The following PCLO variants were observed in gnomAD, a reference collection of about 807,000 sequenced individuals.
PCLO encodes the protein piccolo presynaptic cytomatrix protein.
Under a neutral mutation model 427.5 loss-of-function variants are expected in PCLO, and 82 were observed. The observed-to-expected ratio is 0.19, with a 90% confidence interval of 0.16 to 0.23. PCLO has a LOEUF of 0.23. Among genes scored for constraint, PCLO ranks in the 10% least tolerant of loss-of-function variants. The pLI is 1.00. For missense variants in PCLO, 6,239 were observed against 6,115.9 expected (o/e 1.02, Z -0.67); for synonymous variants, 2,357 against 2,155.4 (o/e 1.09, Z -2.59).
intron 10 of PCLO, among the ~76,000 whole-genome samples, chr7:82,864,999 TGAGA>T (rs778889758): frequency 6.6e-6 from 1 of 152,134 alleles, no homozygotes; most frequent in Non-Finnish European, 1.5e-5. Flanking sequence ...TCTAAAATAT[TGAGA>T]GATTTTATTC....
chr7:83,059,294 A>C (rs1176091816), intron 3 of PCLO, among the ~76,000 whole-genome samples: 2 of 141,180 alleles, frequency 1.4e-5, no homozygotes, highest in African/African-American at 5.1e-5. Context: ...TATAAAATCA[A>C]ATATATATAT....
At chr7:83,049,034 G>A (rs1228673343) in intron 3 of PCLO, among the ~76,000 whole-genome samples, 1 of 152,026 alleles carries the variant, frequency 6.6e-6, no homozygotes, top group Non-Finnish European at 1.5e-5. Context: ...CAACAATAAT[G>A]TACTCTTTTG....
intron 22 of PCLO, among the ~76,000 whole-genome samples, chr7:82,762,266 G>A (rs2129467586): frequency 6.6e-6 from 1 of 152,208 alleles, no homozygotes; most frequent in East Asian, 1.9e-4. Flanking sequence ...TGCTTAAGCT[G>A]AAACCAGAAG....
At chr7:83,039,124 T>C (rs1788906199) in intron 3 of PCLO, among the ~76,000 whole-genome samples, 1 of 152,072 alleles carries the variant, frequency 6.6e-6, no homozygotes, top group East Asian at 1.9e-4. Context: ...AAATCCCTTA[T>C]CAGGTCTATG....
chr7:82,879,819 T>C (rs1442813618), intron 9 of PCLO: 1 of 451,074 alleles, frequency 2.2e-6, no homozygotes, highest in Non-Finnish European at 4.4e-6. Flanking sequence ...TAAGGAACAT[T>C]TTACTTATAG....
At chr7:82,811,982 G>T (rs1791581833) in intron 20 of PCLO, among the ~76,000 whole-genome samples, 1 of 151,334 alleles carries the variant, frequency 6.6e-6, no homozygotes, top group Middle Eastern at 3.2e-3. Context: ...CAAGTCATGA[G>T]AAATGGAATG....
intron 22 of PCLO, among the ~76,000 whole-genome samples, chr7:82,772,795 G>A (rs1790674144): frequency 6.6e-6 from 1 of 152,020 alleles, no homozygotes; most frequent in South Asian, 2.1e-4. Context: ...ATTTTACTGT[G>A]TCTGAAAATA....
At chr7:83,077,676 G>A (rs1479704341) in intron 3 of PCLO, among the ~76,000 whole-genome samples, 1 of 152,082 alleles carries the variant, frequency 6.6e-6, no homozygotes, top group African/African-American at 2.4e-5. Context: ...ATTTGTTAGT[G>A]CCAGGAGGCG....
chr7:82,806,963 A>C lies in PCLO; in HGVS notation c.14792-1134T>G, dbSNP rs1228781617. Among the ~76,000 whole-genome samples the C allele has an allele frequency of 4.9e-5, 5 of 102,104 alleles. No homozygotes were observed. The East Asian group carries it at 1.7e-3, about 34-fold the overall frequency. The allele number at this position is 102,104 out of a possible 152,430, so 67.0% of individuals were successfully genotyped here. On this transcript the variant is annotated intron_variant, in intron 20 of 24. Transcript: ENST00000333891. ...ATGAATTTAACTCTATTCTCTTCTCAAGGTATCCCCACTCTTCTCAAGGGC... is the reference window on the plus strand; with the variant it reads ...ATGAATTTAACTCTATTCTCTTCTCCAGGTATCCCCACTCTTCTCAAGGGC...
intron 3 of PCLO, among the ~76,000 whole-genome samples, chr7:83,120,595 G>GAA (rs1431017844): frequency 6.6e-6 from 1 of 151,732 alleles, no homozygotes; most frequent in Non-Finnish European, 1.5e-5. Flanking sequence ...AAAACAGCAA[G>GAA]AAAAAAGAAG....
chr7:82,758,746 T>G, intron 24 of PCLO, 31 bp from the exon 25 acceptor site: 1 of 1,344,956 alleles, frequency 7.4e-7, no homozygotes, highest in Non-Finnish European at 1.1e-6. Flanking sequence ...TAAACATATT[T>G]AATTTATACA....
At chr7:83,019,516 T>C (rs557155348) in intron 3 of PCLO, among the ~76,000 whole-genome samples, 2 of 151,978 alleles carry the variant, frequency 1.3e-5, no homozygotes, top group South Asian at 4.1e-4. Flanking sequence ...GGGTATATTT[T>C]CAAAAGTCAG....
Position 82,756,926 on chromosome 7 carries a change from T to C in PCLO, c.*1649A>G, listed in dbSNP as rs1205889566. ...TACTGCTTTTATCCATGTCAATCCT[T>C]GCCATTGGTTTAGATGATGTTTTTC... On this transcript the variant is annotated 3_prime_UTR_variant, in exon 25 of 25. Transcript: ENST00000333891. 1 of 152,060 alleles carries C rather than the reference T, an allele frequency of 6.6e-6. No individual in the cohort carries two copies. Among genetic ancestry groups the C allele is most frequent in the East Asian group, 1.9e-4 (1 of 5,198 alleles). The allele number at this position is 152,060 out of a possible 1,614,324, so 9.4% of individuals were successfully genotyped here.
intron 3 of PCLO, among the ~76,000 whole-genome samples, chr7:83,083,696 G>C (rs1022115303): frequency 6.6e-6 from 1 of 152,090 alleles, no homozygotes; most frequent in African/African-American, 2.4e-5. Flanking sequence ...ATTGTAAAAA[G>C]TATATCCCTA....
intron 3 of PCLO, among the ~76,000 whole-genome samples, chr7:83,065,576 T>C (rs1789649586): frequency 1.3e-5 from 2 of 151,618 alleles, no homozygotes; most frequent in African/African-American, 4.8e-5. Context: ...ACTGAACTTC[T>C]CTCCTGTCTC....
At chr7:83,150,832 T>C (rs1023866606) in intron 2 of PCLO, among the ~76,000 whole-genome samples, 7 of 152,190 alleles carry the variant, frequency 4.6e-5, no homozygotes, top group African/African-American at 1.7e-4. Flanking sequence ...TAAATTCACA[T>C]AATTGTACCA....
Position 82,953,931 on chromosome 7 carries a change from T to A in PCLO, c.7022A>T (p.Asp2341Val). Reference protein sequence around the residue: ...TKSSLSETVFDHPPSSVIALP... With the variant: ...TKSSLSETVFVHPPSSVIALP... ...GGCTATTACAGAAGAAGGTGGGTGA[T>A]CAAACACGGTTTCGGATAAGCTACT... The change falls in exon 5 of 25, where the codon GAT (aspartate) becomes GTT (valine). Residue 2341 changes from aspartate (D) to valine (V), a missense_variant. Physicochemically the swap from Asp to Val is radical, Grantham distance 152. Around this residue, in one of 5 missense-constraint regions of PCLO, gnomAD observed 4,677 missense variants for 4,468.4 expected, o/e 1.05. Coordinates refer to ENST00000333891, the MANE Select transcript of PCLO (RefSeq NM_033026.6). The A allele has an allele frequency of 6.2e-7, 1 of 1,613,918 alleles. No homozygotes were observed. Among genetic ancestry groups the A allele is most frequent in the Non-Finnish European group, 8.5e-7 (1 of 1,179,840 alleles).
intron 3 of PCLO, among the ~76,000 whole-genome samples, chr7:83,021,805 A>G (rs1391105603): frequency 6.6e-6 from 1 of 152,202 alleles, no homozygotes; most frequent in Non-Finnish European, 1.5e-5. Context: ...CGGAAGCTAA[A>G]TTACAAACTT....
intron 3 of PCLO, among the ~76,000 whole-genome samples, chr7:83,058,914 T>C (rs906280440): frequency 3.9e-5 from 6 of 152,130 alleles, no homozygotes; most frequent in African/African-American, 1.2e-4. Context: ...AATATTCATT[T>C]GAGCAAAATT....
Sources: gnomAD v4.1 joint callset for allele counts (sites outside exome capture counted in the v4.1 genomes callset) on GRCh38, gnomAD v4.1.1 for gene constraint, gnomAD v4.1.1 regional missense constraint, MANE v1.5 for transcripts, NCBI Gene and HGNC (gene_info 2026-07-23, HGNC 2026-07-21) for gene names.